SPRED2: variants seen among roughly 807,000 people sequenced by gnomAD.
The protein encoded by SPRED2 is sprouty-related, EVH1 domain-containing protein 2.
SPRED2 carries 47 observed loss-of-function variants against 43.0 expected under a neutral mutation model. The observed-to-expected ratio is 1.09, with a 90% CI of 0.87 to 1.40. The LOEUF (loss-of-function observed/expected upper bound fraction) is 1.40. Among genes scored for constraint, SPRED2 ranks in the 40% most tolerant of loss-of-function variants. The pLI is 0.00. For missense variants in SPRED2, 561 were observed against 586.4 expected, an observed-to-expected ratio of 0.96 and a Z score of 0.45; for synonymous variants, 225 against 225.7, an observed-to-expected ratio of 1.00 and a Z score of 0.03.
chr2:65,429,740 T>C (rs2103822615), intron 1 of SPRED2, among the ~76,000 whole-genome samples: 1 of 152,296 alleles, frequency 6.6e-6, no homozygotes, highest in Non-Finnish European at 1.5e-5. Flanking sequence ...AAATAACCCC[T>C]ATAAGCCCAT....
chr2:65,354,103 G>A (rs929124131), intron 1 of SPRED2, among the ~76,000 whole-genome samples: 3 of 152,226 alleles, frequency 2.0e-5, no homozygotes, highest in Admixed American at 6.5e-5. Context: ...CAGAGGCTTA[G>A]GAGCCTTTGA....
At chr2:65,411,345 C>T (rs529364943) in intron 1 of SPRED2, among the ~76,000 whole-genome samples, 8 of 152,238 alleles carry the variant, frequency 5.3e-5, no homozygotes, top group African/African-American at 1.4e-4. Context: ...CTGCTGCTTG[C>T]GGTGGGAGGG....
At chr2:65,308,574 C>G (rs1672988206), downstream of SPRED2, 9 of 985,398 alleles carry the variant, frequency 9.1e-6, no homozygotes, top group Non-Finnish European at 1.1e-5. Context: ...TCCTCAGGGC[C>G]TCAGAATAAA....
chr2:65,318,651 C>T (rs529423027), intron 4 of SPRED2, among the ~76,000 whole-genome samples: 2 of 151,976 alleles, frequency 1.3e-5, no homozygotes, highest in African/African-American at 4.8e-5. Context: ...ATCTCATTTG[C>T]TTATATATAT....
chr2:65,340,647 C>T (rs376280071), intron 2 of SPRED2, among the ~76,000 whole-genome samples: 15 of 152,194 alleles, frequency 9.9e-5, no homozygotes, highest in African/African-American at 3.6e-4. Context: ...CAAAAAATTA[C>T]CTGACTACTC....
chr2:65,370,730 G>A (rs1225867772), intron 1 of SPRED2, among the ~76,000 whole-genome samples: 3 of 152,066 alleles, frequency 2.0e-5, no homozygotes, highest in Non-Finnish European at 4.4e-5. Context: ...TCTGTCTTGC[G>A]GTAGGAGGGG....
chr2:65,343,388 A>C (rs1406305790), intron 2 of SPRED2, among the ~76,000 whole-genome samples: 1 of 152,214 alleles, frequency 6.6e-6, no homozygotes, highest in East Asian at 1.9e-4. Context: ...CTGTTAACCC[A>C]CATGTAACAT....
intron 1 of SPRED2, among the ~76,000 whole-genome samples, chr2:65,412,074 G>A (rs1676173988): frequency 6.6e-6 from 1 of 151,160 alleles, no homozygotes; most frequent in Non-Finnish European, 1.5e-5. Flanking sequence ...CTTGCAGTGA[G>A]CCGACATGCA....
At chr2:65,410,198 C>G (rs1010421435) in intron 1 of SPRED2, among the ~76,000 whole-genome samples, 1 of 152,062 alleles carries the variant, frequency 6.6e-6, no homozygotes, top group Non-Finnish European at 1.5e-5. Flanking sequence ...GATCATGCCA[C>G]TGCACTGCAG....
At chr2:65,401,938 C>T (rs1209694738) in intron 1 of SPRED2, among the ~76,000 whole-genome samples, 22 of 32,620 alleles carry the variant, frequency 6.7e-4, no homozygotes, top group African/African-American at 5.6e-3. Context: ...CGCGCGCGCG[C>T]ACACACACAC....
chr2:65,334,573 T>A lies in SPRED2; in HGVS notation c.373+32A>T, dbSNP rs747549348. The A allele has an allele frequency of 2.5e-6, 4 of 1,606,222 alleles. No homozygotes were observed. The African/African-American group carries it at 5.4e-5, about 22-fold the overall frequency. ...AAAATAATTTGGAACATTTCCATAG[T>A]CCCACTAAGAATGCAGCGACAAGTT... On this transcript the variant is annotated intron_variant, in intron 3 of 5. Transcript: ENST00000356388.
intron 1 of SPRED2, among the ~76,000 whole-genome samples, chr2:65,411,153 C>T (rs964356722): frequency 7.9e-5 from 12 of 152,264 alleles, no homozygotes; most frequent in African/African-American, 2.9e-4. Flanking sequence ...TTCCACGTAC[C>T]AGGTGCTGTG....
At chr2:65,381,375 G>A (rs1337580219) in intron 1 of SPRED2, among the ~76,000 whole-genome samples, 1 of 152,210 alleles carries the variant, frequency 6.6e-6, no homozygotes, top group Admixed American at 6.5e-5. Flanking sequence ...ACACTCGGCA[G>A]CTCTAAAGCA....
chr2:65,330,898 T>C (rs887680978), intron 4 of SPRED2, among the ~76,000 whole-genome samples: 2 of 152,186 alleles, frequency 1.3e-5, no homozygotes, highest in Non-Finnish European at 2.9e-5. Flanking sequence ...AACAGCTGAA[T>C]GTTAGGTGTA....
chr2:65,359,585 T>C (rs1057235956), intron 1 of SPRED2, among the ~76,000 whole-genome samples: 1 of 152,134 alleles, frequency 6.6e-6, no homozygotes, highest in Non-Finnish European at 1.5e-5. Flanking sequence ...ACCAACATGT[T>C]TGCAGCAGGG....
At chr2:65,388,897 T>C (rs568211024) in intron 1 of SPRED2, among the ~76,000 whole-genome samples, 42 of 152,220 alleles carry the variant, frequency 2.8e-4, no homozygotes, top group African/African-American at 9.9e-4. Context: ...CAGGGGTAAA[T>C]TGCTCTCCCA....
intron 1 of SPRED2, among the ~76,000 whole-genome samples, chr2:65,372,646 C>A (rs1227242849): frequency 6.6e-6 from 1 of 152,168 alleles, no homozygotes; most frequent in African/African-American, 2.4e-5. Flanking sequence ...TGGGTTAACT[C>A]AAGTCCTGGA....
chr2:65,326,478 A>T (rs1036032730), intron 4 of SPRED2, among the ~76,000 whole-genome samples: 1 of 152,236 alleles, frequency 6.6e-6, no homozygotes, highest in Non-Finnish European at 1.5e-5. Flanking sequence ...TCAAAGAGAC[A>T]GCAGATCAGG....
intron 1 of SPRED2, among the ~76,000 whole-genome samples, chr2:65,351,913 T>C (rs35315862): frequency 0.11 from 16,810 of 152,250 alleles, 1,383 homozygotes; most frequent in Non-Finnish European, 0.16. Flanking sequence ...TGGAAGTTTA[T>C]ATATTCTGAA....
Sources: gnomAD v4.1 joint callset for allele counts (sites outside exome capture counted in the v4.1 genomes callset) on GRCh38, gnomAD v4.1.1 for gene constraint, MANE v1.5 for transcripts, NCBI Gene and HGNC (gene_info 2026-07-23, HGNC 2026-07-21) for gene names.